The following GTSF1 variants were observed in gnomAD, a reference collection of about 807,000 sequenced individuals.
GTSF1 encodes gametocyte-specific factor 1.
Under a neutral mutation model 28.9 loss-of-function variants are expected in GTSF1, and 11 were observed. The ratio of observed to expected loss-of-function variants is 0.38; its 90% CI spans 0.24 to 0.63. GTSF1 has a LOEUF of 0.63. Ranked by LOEUF, GTSF1 falls within the 30% of genes least tolerant of loss-of-function variation. GTSF1 has a pLI of 0.56. For missense variants in GTSF1, 146 were observed against 201.0 expected, an observed-to-expected ratio of 0.73 and a Z score of 1.66; for synonymous variants, 69 against 65.6, an observed-to-expected ratio of 1.05 and a Z score of -0.25.
chr12:54,462,274 T>G, intron 5 of GTSF1, 102 bp from the exon 6 acceptor site: 1 of 808,536 alleles, frequency 1.2e-6, no homozygotes, highest in East Asian at 2.6e-5. Flanking sequence ...ACCTAAGTTT[T>G]GCAGAAGCAA....
intron 2 of GTSF1, among the ~76,000 whole-genome samples, chr12:54,467,275 G>A (rs73308583): frequency 0.11 from 15,951 of 150,960 alleles, 1,005 homozygotes; most frequent in African/African-American, 0.17. Context: ...AGGTTTATCC[G>A]TGTTATAACA....
chr12:54,457,014 G>A (rs1370887091), intron 8 of GTSF1, among the ~76,000 whole-genome samples: 1 of 152,216 alleles, frequency 6.6e-6, no homozygotes, highest in Non-Finnish European at 1.5e-5. Flanking sequence ...GAACCCGGGA[G>A]GTGGAGGTTG....
Position 54,459,819 on chromosome 12 carries a change from C to T in GTSF1, c.487+558G>A, listed in dbSNP as rs1056258234. The stretch of plus-strand genomic sequence containing the variant: ...TCGGCTCACTGCAAGCTCCGCCTCC[C>T]GGGTTCACGCCATTCTCCTGCCTCA... On this transcript the variant is annotated intron_variant, in intron 7 of 8. Transcript: ENST00000305879. Among the ~76,000 whole-genome samples, 110 of 142,810 alleles carry T rather than the reference C, an allele frequency of 7.7e-4. 5 individuals are homozygous for T. Among genetic ancestry groups the T allele is most frequent in the Admixed American group, 6.8e-3 (100 of 14,672 alleles). 93.7% of individuals were successfully genotyped at this position (142,810 alleles called of 152,430 possible).
intron 2 of GTSF1, among the ~76,000 whole-genome samples, chr12:54,465,767 A>G (rs1384187794): frequency 1.3e-5 from 2 of 152,144 alleles, no homozygotes; most frequent in South Asian, 2.1e-4. Flanking sequence ...GCACTGCCCT[A>G]TATCAGTTAT....
In GTSF1 at chr12:54,463,190, A is replaced by G. The variant is rs1262851470; in HGVS notation, c.225T>C (p.Ser75=). ...SHHISSCDDR[S]CIEQDVVNQT... is the part of the protein sequence containing the mutation. ...TCTTACCAACATCTTGCTCAATACA[A>G]CTTCTGTCATCACAGCTTGAGATAT... is the stretch of plus-strand genomic sequence containing the variant. The change falls in exon 4 of 9, where the codon AGT becomes AGC. Residue 75 remains serine (S), a synonymous_variant. Coordinates refer to ENST00000305879, the MANE Select transcript of GTSF1 (RefSeq NM_144594.3). 2 of 1,613,910 alleles carry G rather than the reference A, an allele frequency of 1.2e-6. No homozygotes were observed. The highest frequency in any genetic ancestry group is 3.3e-5 in the Admixed American group (2 of 60,000).
chr12:54,461,997 C>T (rs1956430417), intron 6 of GTSF1, 112 bp downstream of exon 6: 2 of 714,572 alleles, frequency 2.8e-6, no homozygotes, highest in East Asian at 2.6e-5. Context: ...ACTAAACTAC[C>T]ATCAAGGAAC....
At chr12:54,460,245 C>A in intron 7 of GTSF1, 132 bp downstream of exon 7, 1 of 656,750 alleles carries the variant, frequency 1.5e-6, no homozygotes, top group Non-Finnish European at 2.7e-6. Context: ...TAGGGCATAA[C>A]ATTTAAGGAG....
At chr12:54,464,879 C>A in intron 3 of GTSF1, 188 bp downstream of exon 3, 1 of 406,256 alleles carries the variant, frequency 2.5e-6, no homozygotes. Flanking sequence ...GGAAGAAAAC[C>A]AAAACAAGAA....
intron 2 of GTSF1, among the ~76,000 whole-genome samples, chr12:54,470,398 G>A (rs945417869): frequency 1.8e-4 from 27 of 152,160 alleles, no homozygotes; most frequent in African/African-American, 6.3e-4. Flanking sequence ...GAACTACTGT[G>A]TTCTAGATAT....
At chr12:54,473,132 T>C (rs1956610763) in intron 1 of GTSF1, among the ~76,000 whole-genome samples, 2 of 152,124 alleles carry the variant, frequency 1.3e-5, no homozygotes, top group African/African-American at 4.8e-5. Context: ...TTTTCCCTAC[T>C]ACTAGATCAC....
At chr12:54,458,759 G>C (rs1956374378) in intron 8 of GTSF1, among the ~76,000 whole-genome samples, 1 of 151,222 alleles carries the variant, frequency 6.6e-6, no homozygotes, top group Admixed American at 6.6e-5. Context: ...GAATTGCAGA[G>C]CAGTGAAGCA....
Position 54,462,439 on chromosome 12 carries a change from A to G in GTSF1, c.328+203T>C, listed in dbSNP as rs114628294. Among the ~76,000 whole-genome samples, 605 of 152,330 alleles carry G rather than the reference A, an allele frequency of 4.0e-3. 4 individuals carry two copies. Among genetic ancestry groups the G allele is most frequent in the African/African-American group, 0.014 (577 of 41,574 alleles). On this transcript the variant is annotated intron_variant, in intron 5 of 8. Transcript: ENST00000305879. ...TTTATGGAAAAAAACAGATGTAAAG[A>G]AGTGCTTTTTCCAATCAAGAGGGAT...
chr12:54,471,375 A>G, intron 1 of GTSF1, 98 bp from the exon 2 acceptor site: 1 of 648,992 alleles, frequency 1.5e-6, no homozygotes, highest in Non-Finnish European at 2.5e-6. Flanking sequence ...AAACTACCCA[A>G]GTTCAATATA....
chr12:54,465,320 C>G (rs1015224546), intron 2 of GTSF1, among the ~76,000 whole-genome samples, 153 bp from the exon 3 acceptor site: 11 of 151,906 alleles, frequency 7.2e-5, no homozygotes, highest in African/African-American at 2.7e-4. Flanking sequence ...GGTGACTACA[C>G]TTTTAAAATA....
At chr12:54,471,667 C>A (rs61257566) in intron 1 of GTSF1, 16,043 of 152,888 alleles carry the variant, frequency 0.1, 1,013 homozygotes, top group African/African-American at 0.17. Context: ...TATAAATATC[C>A]ATATAATATT....
chr12:54,468,144 T>C (rs968980963), intron 2 of GTSF1, among the ~76,000 whole-genome samples: 1 of 152,194 alleles, frequency 6.6e-6, no homozygotes, highest in African/African-American at 2.4e-5. Flanking sequence ...CTTTTCTTTT[T>C]TGAGACAGGG....
intron 3 of GTSF1, 85 bp from the exon 4 acceptor site, chr12:54,463,382 C>G: frequency 7.6e-7 from 1 of 1,310,754 alleles, no homozygotes; most frequent in Non-Finnish European, 1.1e-6. Context: ...TCTACAAATG[C>G]CTCCCCTAAA....
chr12:54,468,016 C>G (rs559278196), intron 2 of GTSF1, among the ~76,000 whole-genome samples: 2 of 152,152 alleles, frequency 1.3e-5, no homozygotes, highest in African/African-American at 4.8e-5. Flanking sequence ...CTGCCTCAGC[C>G]TCCCAAAGTG....
At chr12:54,457,435 T>C (rs1189628870) in intron 8 of GTSF1, among the ~76,000 whole-genome samples, 1 of 152,252 alleles carries the variant, frequency 6.6e-6, no homozygotes, top group Non-Finnish European at 1.5e-5. Flanking sequence ...GTCTGTTCAA[T>C]GTATGCTTCT....
Sources: gnomAD v4.1 joint callset for allele counts (sites outside exome capture counted in the v4.1 genomes callset) on GRCh38, gnomAD v4.1.1 for gene constraint, MANE v1.5 for transcripts, NCBI Gene and HGNC (gene_info 2026-07-23, HGNC 2026-07-21) for gene names.